Variants in ALOX5AP observed in about 807,000 individuals in gnomAD.
ALOX5AP encodes arachidonate 5-lipoxygenase-activating protein.
Under a neutral mutation model 18.5 loss-of-function variants are expected in ALOX5AP, and 9 were observed. The observed-to-expected ratio is 0.49, with a 90% CI of 0.29 to 0.85. ALOX5AP has a LOEUF of 0.85. Ranked by LOEUF, ALOX5AP falls within the 40% of genes least tolerant of loss-of-function variation. The pLI, the probability that ALOX5AP is intolerant of heterozygous loss-of-function variation, is 0.08. For synonymous variants in ALOX5AP, 81 were observed against 78.6 expected, an observed-to-expected ratio of 1.03 and a Z score of -0.16; for missense variants, 172 against 202.5, an observed-to-expected ratio of 0.85 and a Z score of 0.91.
At chr13:30,743,720 T>G (rs1377088740) in intron 1 of ALOX5AP, among the ~76,000 whole-genome samples, 1 of 152,064 alleles carries the variant, frequency 6.6e-6, no homozygotes, top group South Asian at 2.1e-4. Flanking sequence ...TTAAGTTGCC[T>G]CCTTTGACCC....
At chr13:30,756,140 G>A in intron 4 of ALOX5AP, 115 bp downstream of exon 4, 1 of 980,766 alleles carries the variant, frequency 1.0e-6, no homozygotes. Context: ...ATCCCCTTGG[G>A]TGGGAGGGGG....
chr13:30,750,210 G>A (rs1004708110), intron 2 of ALOX5AP, among the ~76,000 whole-genome samples: 7 of 152,182 alleles, frequency 4.6e-5, no homozygotes, highest in Non-Finnish European at 1.0e-4. Flanking sequence ...ACCATGGACT[G>A]TGAGAATTCA....
chr13:30,734,092 CA>C (rs959411487), upstream of ALOX5AP, among the ~76,000 whole-genome samples: 6 of 152,118 alleles, frequency 3.9e-5, no homozygotes, highest in African/African-American at 1.2e-4. Context: ...TATAAATCTG[CA>C]ATATATATAT....
intron 1 of ALOX5AP, among the ~76,000 whole-genome samples, chr13:30,728,285 G>A (rs1951654299): frequency 6.6e-6 from 1 of 152,072 alleles, no homozygotes; most frequent in Admixed American, 6.6e-5. Context: ...CCTTGATTTT[G>A]GACTTTTATT....
intron 1 of ALOX5AP, among the ~76,000 whole-genome samples, chr13:30,741,360 C>T (rs1436227750): frequency 1.3e-5 from 2 of 150,116 alleles, no homozygotes; most frequent in Non-Finnish European, 3.0e-5. Flanking sequence ...TTTAAGTAAC[C>T]TCTAGATAAT....
At chr13:30,714,822 G>C (rs1186514330) in intron 1 of ALOX5AP, among the ~76,000 whole-genome samples, 3 of 152,138 alleles carry the variant, frequency 2.0e-5, no homozygotes, top group African/African-American at 7.2e-5. Context: ...ACAGCCTCTG[G>C]TTCCTGTTGG....
chr13:30,738,178 ACTCT>A (rs1951735496), intron 1 of ALOX5AP, among the ~76,000 whole-genome samples: 1 of 151,992 alleles, frequency 6.6e-6, no homozygotes, highest in Non-Finnish European at 1.5e-5. Context: ...TGGGCTCTGC[ACTCT>A]CTCTATACTT....
At chr13:30,726,096 TTTGGGCTCTGCTA>T (rs1951637465) in intron 1 of ALOX5AP, among the ~76,000 whole-genome samples, 1 of 152,166 alleles carries the variant, frequency 6.6e-6, no homozygotes, top group Non-Finnish European at 1.5e-5. Context: ...TTCCTGTAAC[TTTGGGCTCTGCTA>T]TTGCAGAAAT....
At chr13:30,726,050 T>C (rs1339181970) in intron 1 of ALOX5AP, among the ~76,000 whole-genome samples, 1 of 152,200 alleles carries the variant, frequency 6.6e-6, no homozygotes, top group Non-Finnish European at 1.5e-5. Context: ...TTTCTCACTA[T>C]CACCCTGGTG....
At chr13:30,730,225 T>C (rs1951670506) in intron 1 of ALOX5AP, among the ~76,000 whole-genome samples, 1 of 152,230 alleles carries the variant, frequency 6.6e-6, no homozygotes, top group Non-Finnish European at 1.5e-5. Flanking sequence ...AGCTATAGAA[T>C]GGCATGAGGA....
At chr13:30,726,221 G>A (rs1229642494) in intron 1 of ALOX5AP, among the ~76,000 whole-genome samples, 5 of 152,186 alleles carry the variant, frequency 3.3e-5, no homozygotes, top group Non-Finnish European at 7.3e-5. Flanking sequence ...GAATACACAA[G>A]CAAGGAAGGG....
chr13:30,725,032 C>T (rs182317650), intron 1 of ALOX5AP, among the ~76,000 whole-genome samples: 2 of 152,322 alleles, frequency 1.3e-5, no homozygotes, highest in African/African-American at 2.4e-5. Flanking sequence ...TGAGGCACTA[C>T]ATCTCCACTC....
At chr13:30,735,497 T>C, upstream of ALOX5AP, 1 of 1,528,866 alleles carries the variant, frequency 6.5e-7, no homozygotes, top group Non-Finnish European at 8.8e-7. Context: ...CCGGGGATCT[T>C]CAGAAATTGT....
intron 3 of ALOX5AP, among the ~76,000 whole-genome samples, chr13:30,752,673 C>T (rs1353179498): frequency 6.6e-6 from 1 of 152,232 alleles, no homozygotes; most frequent in Non-Finnish European, 1.5e-5. Context: ...TACTTTTGGT[C>T]CCCTTTCGGG....
upstream of ALOX5AP, among the ~76,000 whole-genome samples, chr13:30,731,017 C>A (rs1473650635): frequency 6.6e-6 from 1 of 151,818 alleles, no homozygotes; most frequent in East Asian, 1.9e-4. Context: ...GCGCTGGGAG[C>A]AGGGGATGGG....
At chr13:30,753,367 T>C (rs1566087991) in intron 3 of ALOX5AP, among the ~76,000 whole-genome samples, 1 of 152,258 alleles carries the variant, frequency 6.6e-6, no homozygotes, top group Non-Finnish European at 1.5e-5. Flanking sequence ...AACTATGCTC[T>C]TACTAGGAGT....
At chr13:30,718,902 C>A (rs991207206) in intron 1 of ALOX5AP, among the ~76,000 whole-genome samples, 1 of 152,242 alleles carries the variant, frequency 6.6e-6, no homozygotes, top group Non-Finnish European at 1.5e-5. Flanking sequence ...ACAGTCTTCC[C>A]TTGATCCAAA....
chr13:30,762,300 A>G (rs1181329303), intron 4 of ALOX5AP, among the ~76,000 whole-genome samples: 3 of 152,194 alleles, frequency 2.0e-5, no homozygotes, highest in Non-Finnish European at 2.9e-5. Flanking sequence ...TAGAAAAATT[A>G]TGAGTTGGCT....
chr13:30,747,833 C>T (rs532130071), intron 2 of ALOX5AP, among the ~76,000 whole-genome samples: 7 of 152,278 alleles, frequency 4.6e-5, no homozygotes, highest in African/African-American at 1.7e-4. Context: ...TGTATCAAAA[C>T]ATGTTTTTGG....
Sources: gnomAD v4.1 joint callset for allele counts (sites outside exome capture counted in the v4.1 genomes callset) on GRCh38, gnomAD v4.1.1 for gene constraint, MANE v1.5 for transcripts, NCBI Gene and HGNC (gene_info 2026-07-23, HGNC 2026-07-21) for gene names.